Variants in TRPC4 observed in about 807,000 individuals in gnomAD.
TRPC4 encodes the protein short transient receptor potential channel 4.
In TRPC4, 49 loss-of-function variants were observed where a neutral mutation model predicts 99.4. The observed-to-expected ratio is 0.49, with a 90% CI of 0.39 to 0.63. The LOEUF (loss-of-function observed/expected upper bound fraction) is 0.63, where lower values mean the gene tolerates loss of function less well. TRPC4 is among the 20% of genes least tolerant of loss of function. The probability of loss-of-function intolerance (pLI) is 0.00; values close to 1 mark genes in which losing one functional copy is unlikely to be tolerated. For synonymous variants in TRPC4, 454 were observed against 425.9 expected (o/e 1.07, Z -0.81); for missense variants, 898 against 1,152.9 (o/e 0.78, Z 3.20).
chr13:37,640,213 A>C (rs1415367686), intron 8 of TRPC4, among the ~76,000 whole-genome samples: 1 of 152,084 alleles, frequency 6.6e-6, no homozygotes, highest in Admixed American at 6.6e-5. Context: ...AATTTGGTAA[A>C]TTGTGAGAAA....
chr13:37,654,997 A>C (rs996347860), intron 7 of TRPC4, 91 bp downstream of exon 7: 2 of 1,076,036 alleles, frequency 1.9e-6, no homozygotes, highest in Non-Finnish European at 2.5e-6. Context: ...CTAATTATAG[A>C]TTTTATTTAC....
chr13:37,856,976 T>G (rs935136326), intron 1 of TRPC4, among the ~76,000 whole-genome samples: 2 of 151,532 alleles, frequency 1.3e-5, no homozygotes, highest in African/African-American at 4.8e-5. Flanking sequence ...TCTACTAAGA[T>G]CTGGAACATG....
At chr13:37,737,305 G>A (rs1955428480) in intron 3 of TRPC4, among the ~76,000 whole-genome samples, 2 of 151,826 alleles carry the variant, frequency 1.3e-5, no homozygotes, top group Non-Finnish European at 2.9e-5. Context: ...CAGGAAATAT[G>A]CTAAGTTCTG....
intron 3 of TRPC4, among the ~76,000 whole-genome samples, chr13:37,696,256 G>C (rs1449938682): frequency 1.3e-5 from 2 of 152,136 alleles, no homozygotes; most frequent in African/African-American, 2.4e-5. Context: ...CTCCCACCGG[G>C]TCTCTCCCAC....
intron 1 of TRPC4, among the ~76,000 whole-genome samples, chr13:37,845,919 C>A (rs1298476260): frequency 2.0e-5 from 3 of 152,002 alleles, no homozygotes; most frequent in Admixed American, 6.6e-5. Flanking sequence ...ATACTGAAAG[C>A]AGCAAAAGAT....
At chr13:37,705,112 A>C (rs1270497287) in intron 3 of TRPC4, among the ~76,000 whole-genome samples, 1 of 152,208 alleles carries the variant, frequency 6.6e-6, no homozygotes, top group Non-Finnish European at 1.5e-5. Flanking sequence ...AATATTATTA[A>C]GCTTTATGAA....
chr13:37,668,891 A>G (rs4558282), intron 5 of TRPC4, among the ~76,000 whole-genome samples: 54,733 of 152,002 alleles, frequency 0.36, 10,234 homozygotes, highest in African/African-American at 0.4. Flanking sequence ...CAGTGTTTAT[A>G]CTGGCATATT....
chr13:37,705,688 G>A (rs1224148969), intron 3 of TRPC4, among the ~76,000 whole-genome samples: 1 of 152,118 alleles, frequency 6.6e-6, no homozygotes, highest in Non-Finnish European at 1.5e-5. Flanking sequence ...ATTCTGCTGA[G>A]ATGGTAGGCC....
At chr13:37,767,842 T>C (rs1273448012) in intron 2 of TRPC4, among the ~76,000 whole-genome samples, 4 of 151,384 alleles carry the variant, frequency 2.6e-5, no homozygotes, top group African/African-American at 7.3e-5. Context: ...CATAGAATTA[T>C]GTAGCTAGTG....
intron 2 of TRPC4, among the ~76,000 whole-genome samples, chr13:37,773,820 CA>C (rs1176040985): frequency 6.6e-6 from 1 of 151,676 alleles, no homozygotes; most frequent in Non-Finnish European, 1.5e-5. Context: ...AATATATTTA[CA>C]ATTCACTTTG....
chr13:37,827,251 C>T (rs1476958953), intron 1 of TRPC4, among the ~76,000 whole-genome samples: 5 of 152,168 alleles, frequency 3.3e-5, no homozygotes, highest in Non-Finnish European at 7.3e-5. Flanking sequence ...ATTTGATCGT[C>T]TGAAGCCTTC....
rs1215591150 is a variant in TRPC4 at position 37,635,774 on chromosome 13, C to G, written c.*1129G>C. On this transcript the variant is annotated 3_prime_UTR_variant, in exon 11 of 11. Coordinates refer to ENST00000379705, the MANE Select transcript of TRPC4 (RefSeq NM_016179.4). ...AATTGTTATAAGCTAAATTACCTTG[C>G]AAACAATAGAAAGAAAAACAAGAAA... 1.3e-5 allele frequency among the ~76,000 whole-genome samples: 2 copies of G among 151,824 alleles called. No individual in the cohort carries two copies.
chr13:37,851,169 G>C (rs1316525678), intron 1 of TRPC4, among the ~76,000 whole-genome samples: 1 of 152,152 alleles, frequency 6.6e-6, no homozygotes, highest in African/African-American at 2.4e-5. Context: ...GGAATACATA[G>C]AGTCTTGTAA....
intron 1 of TRPC4, among the ~76,000 whole-genome samples, chr13:37,865,167 T>A (rs1258430111): frequency 6.6e-6 from 1 of 151,720 alleles, no homozygotes; most frequent in Non-Finnish European, 1.5e-5. Context: ...GATGCATGAA[T>A]GAGAGCTCCT....
At chr13:37,674,569 GTT>G (rs1952980649) in intron 4 of TRPC4, among the ~76,000 whole-genome samples, 1 of 152,216 alleles carries the variant, frequency 6.6e-6, no homozygotes, top group Non-Finnish European at 1.5e-5. Context: ...TCTGGAAGAT[GTT>G]GTTAGGACAG....
chr13:37,670,341 T>C (rs991454341), intron 5 of TRPC4, among the ~76,000 whole-genome samples: 1 of 152,186 alleles, frequency 6.6e-6, no homozygotes, highest in African/African-American at 2.4e-5. Context: ...TTTTCTTTTT[T>C]TGTAGGATGA....
chr13:37,830,005 G>T (rs2139587986), intron 1 of TRPC4, among the ~76,000 whole-genome samples: 1 of 152,312 alleles, frequency 6.6e-6, no homozygotes, highest in African/African-American at 2.4e-5. Context: ...CAGTGGGTAA[G>T]AATTGGGAGT....
At position 37,782,370 on chromosome 13, in the gene TRPC4, T is replaced by A. The variant is rs532252705; in HGVS notation, c.378+586A>T. On this transcript the variant is annotated intron_variant, in intron 2 of 10. Transcript: ENST00000379705. ...ACATTTGCACCATCAGTAAAGTTGA[T>A]GTAGTTAAGCCCACAGTCAGAGTTC... Among the ~76,000 whole-genome samples, 3 of 152,238 alleles carry A rather than the reference T, an allele frequency of 2.0e-5. No individual in the cohort carries two copies. The South Asian group carries it at 6.2e-4, about 32-fold the overall frequency.
chr13:37,838,993 A>T (rs576524512), intron 1 of TRPC4, among the ~76,000 whole-genome samples: 2 of 152,340 alleles, frequency 1.3e-5, no homozygotes, highest in South Asian at 4.1e-4. Flanking sequence ...GGACTCTGGT[A>T]CATCTGATAT....
Sources: allele counts gnomAD v4.1 joint callset (sites outside exome capture counted in the v4.1 genomes callset), GRCh38; gene constraint gnomAD v4.1.1; transcripts MANE v1.5; gene names NCBI Gene and HGNC (gene_info 2026-07-23, HGNC 2026-07-21).